HTR3E: variants seen among roughly 807,000 people sequenced by gnomAD.
The protein encoded by HTR3E is 5-hydroxytryptamine (serotonin) receptor 3, family member E.
HTR3E carries 38 observed loss-of-function variants against 38.0 expected under a neutral mutation model. The ratio of observed to expected loss-of-function variants is 1.00; its 90% CI spans 0.77 to 1.31. The LOEUF is 1.31. Among genes scored for constraint, HTR3E ranks in the 50% most tolerant of loss-of-function variants. HTR3E has a pLI of 0.00. For synonymous variants in HTR3E, 210 were observed against 232.9 expected, an observed-to-expected ratio of 0.90 and a Z score of 0.89; for missense variants, 547 against 585.2, an observed-to-expected ratio of 0.93 and a Z score of 0.67.
intron 1 of HTR3E, among the ~76,000 whole-genome samples, chr3:184,099,643 A>G (rs34456845): frequency 0.49 from 69,770 of 143,328 alleles, 17,254 homozygotes; most frequent in East Asian, 0.72. Context: ...GAACCCGGGA[A>G]GCGGAGCTTG....
At position 184,106,014 on chromosome 3, in the gene HTR3E, T is replaced by A. The variant is rs201710844; in HGVS notation, c.925+45T>A. On this transcript the variant is annotated intron_variant, in intron 7 of 8. Coordinates refer to ENST00000415389, the MANE Select transcript of HTR3E (RefSeq NM_001256613.2). The surrounding 1 kb of genome is among the most constrained non-coding windows in gnomAD (Gnocchi z 4.1). ...TTGGAAGAGAAGGGTGGGAACTAAC[T>A]CAGGAAGGGAGGTATTTTGGAAAAA... 1.8e-3 allele frequency: 2,863 copies of A among 1,611,636 alleles called. 8 individuals are homozygous for A. The highest frequency in any genetic ancestry group is 1.9e-3 in the Non-Finnish European group (2,245 of 1,177,962).
intron 1 of HTR3E, 83 bp from the exon 2 acceptor site, chr3:184,100,402 C>G (rs532682786): frequency 7.4e-6 from 12 of 1,613,782 alleles, no homozygotes; most frequent in Non-Finnish European, 9.3e-6. Flanking sequence ...CACGGGCGAC[C>G]CCACGCCCTG....
chr3:184,099,485 C>T (rs1711852075), intron 1 of HTR3E, among the ~76,000 whole-genome samples: 1 of 151,818 alleles, frequency 6.6e-6, no homozygotes. Flanking sequence ...GAGGCCGAGG[C>T]GGGTGGATCA....
At chr3:184,102,841 C>T (rs1031578746) in intron 3 of HTR3E, among the ~76,000 whole-genome samples, 1 of 151,794 alleles carries the variant, frequency 6.6e-6, no homozygotes, top group Non-Finnish European at 1.5e-5. Context: ...ACAAGAATCG[C>T]TTGAGCCAGG....
At chr3:184,103,453 C>A (rs916918354) in intron 3 of HTR3E, among the ~76,000 whole-genome samples, 3 of 152,010 alleles carry the variant, frequency 2.0e-5, no homozygotes, top group Admixed American at 2.0e-4. Context: ...CACGGTGAAA[C>A]CCCGTCTCTA....
chr3:184,102,647 G>T (rs1712124174), intron 3 of HTR3E, among the ~76,000 whole-genome samples: 1 of 149,326 alleles, frequency 6.7e-6, no homozygotes, highest in African/African-American at 2.5e-5. Context: ...AAAAAAAGCT[G>T]GGCACAGTGG....
In HTR3E at chr3:184,106,933, A is replaced by C. The variant is rs1712503617; in HGVS notation, c.*240A>C. 9.1e-6 allele frequency: 5 copies of C among 547,308 alleles called. No homozygotes were observed. Among genetic ancestry groups the C allele is most frequent in the East Asian group, 3.0e-5 (1 of 33,138 alleles). 33.9% of individuals were successfully genotyped at this position (547,308 alleles called of 1,614,324 possible). On this transcript the variant is annotated 3_prime_UTR_variant, in exon 9 of 9. Transcript: ENST00000415389. The surrounding 1 kb of genome is among the most constrained non-coding windows in gnomAD (Gnocchi z 4.1). ...TATGGTTCTAGGTCCCTCTTACGTCATCTGCATAGCAGACTATACCTCTTC... is the reference window on the plus strand; with the variant it reads ...TATGGTTCTAGGTCCCTCTTACGTCCTCTGCATAGCAGACTATACCTCTTC...
At chr3:184,102,976 T>G (rs530670316) in intron 3 of HTR3E, among the ~76,000 whole-genome samples, 1 of 151,214 alleles carries the variant, frequency 6.6e-6, no homozygotes, top group Non-Finnish European at 1.5e-5. Context: ...AAAATTAAAC[T>G]TCTAAATATT....
chr3:184,101,280 G>A (rs867431142), intron 2 of HTR3E, among the ~76,000 whole-genome samples: 1 of 152,162 alleles, frequency 6.6e-6, no homozygotes, highest in African/African-American at 2.4e-5. Flanking sequence ...CATATACAGC[G>A]AGGGTTGAGA....
intron 3 of HTR3E, 70 bp from the exon 4 acceptor site, chr3:184,104,112 T>C: frequency 8.9e-7 from 1 of 1,119,712 alleles, no homozygotes; most frequent in Non-Finnish European, 1.2e-6. Context: ...CTTGAAGTAT[T>C]TCATAACTTT....
Position 184,106,135 on chromosome 3 carries a change from C to G in HTR3E, c.933C>G (p.Tyr311Ter), listed in dbSNP as rs776951612. 6.2e-7 allele frequency: 1 copy of G among 1,613,302 alleles called. No individual in the cohort carries two copies. Among genetic ancestry groups the G allele is most frequent in the African/African-American group, 1.3e-5 (1 of 74,868 alleles). ...PTSGTPLIGV[Y>*]FALCLSLMVG... ...GGCCCCCCTTCCCTCCAGGTGTCTA[C>G]TTCGCCCTGTGCCTGTCCCTGATGG... Residue 311 changes from tyrosine to a stop codon, truncating the protein, a stop_gained, in exon 8 of 9, where the codon TAC (tyrosine) becomes TAG (stop). Coordinates refer to ENST00000415389, the MANE Select transcript of HTR3E (RefSeq NM_001256613.2). LOFTEE classifies it high-confidence loss of function. This position sits in a 1 kb window ranked among gnomAD's most constrained non-coding sequence, Gnocchi z 4.1.
chr3:184,098,939 A>T (rs1711810125), intron 1 of HTR3E, among the ~76,000 whole-genome samples: 1 of 152,118 alleles, frequency 6.6e-6, no homozygotes, highest in African/African-American at 2.4e-5. Context: ...GTTACTTGGG[A>T]GGCTGAGGCA....
chr3:184,101,549 C>G lies in HTR3E; in HGVS notation c.279+20C>G, dbSNP rs111602207. On this transcript the variant is annotated intron_variant, in intron 3 of 8. Coordinates refer to ENST00000415389, the MANE Select transcript of HTR3E (RefSeq NM_001256613.2). ...GAAATGGTATGGACAACACTTTATT[C>G]TCTCCCTACAGTTACAGTCAAAAAG... 4.4e-6 allele frequency: 7 copies of G among 1,582,184 alleles called. No homozygotes were observed. Among genetic ancestry groups the G allele is most frequent in the African/African-American group, 1.3e-5 (1 of 74,416 alleles).
In HTR3E at chr3:184,100,566, A is replaced by T; in HGVS notation, c.149A>T (p.Asn50Ile). 6.2e-7 allele frequency: 1 copy of T among 1,614,092 alleles called. No individual in the cohort carries two copies. The highest frequency in any genetic ancestry group is 1.1e-5 in the South Asian group (1 of 91,078). ...ADPTALNSVF[N>I]RKPFRPVTNI... ...CCCACTGCTCTGAATTCAGTGTTTA[A>T]TAGAAAGCCCTTCCGTCCGGTCACC... The change falls in exon 2 of 9, where the codon AAT becomes ATT. Residue 50 changes from asparagine to isoleucine, a missense_variant. Coordinates refer to ENST00000415389, the MANE Select transcript of HTR3E (RefSeq NM_001256613.2).
chr3:184,105,304 G>A lies in HTR3E; in HGVS notation c.597G>A (p.Trp199Ter). ...TGCTGGACATGGAGAAAGAAGTGTG[G>A]GAAATAACAGACGCATCCCGGAACA... The part of the protein sequence containing the change: ...SMLLDMEKEV[W>*]EITDASRNIL... Residue 199 changes from tryptophan (W) to a stop codon, truncating the protein, a stop_gained, in exon 6 of 9, where the codon TGG (tryptophan) becomes TGA (stop). Coordinates refer to ENST00000415389, the MANE Select transcript of HTR3E (RefSeq NM_001256613.2). LOFTEE classifies it high-confidence loss of function. 1.2e-6 allele frequency: 2 copies of A among 1,613,956 alleles called. No individual in the cohort carries two copies. Among genetic ancestry groups the A allele is most frequent in the Non-Finnish European group, 1.7e-6 (2 of 1,179,970 alleles).
chr3:184,106,510 G>A lies in HTR3E; in HGVS notation c.1188G>A (p.Ala396=), dbSNP rs150435503. 75 of 1,611,848 alleles carry A rather than the reference G, an allele frequency of 4.7e-5. No homozygotes were observed. The Admixed American group carries it at 4.7e-4, about 10-fold the overall frequency. Reference sequence around the variant, plus strand: ...CAGCAGGGCAGATGCCGGGCCCTGCGGAGGCAGAGCTGACAGGGGGCTCAG... The same window carrying A: ...CAGCAGGGCAGATGCCGGGCCCTGCAGAGGCAGAGCTGACAGGGGGCTCAG... ...EVSAGQMPGP[A]EAELTGGSEW... Residue 396 remains alanine, a synonymous_variant, in exon 9 of 9, where the codon GCG becomes GCA. Transcript: ENST00000415389. This position sits in a 1 kb window ranked among gnomAD's most constrained non-coding sequence, Gnocchi z 4.1.
rs1182898168 is a variant in HTR3E, at chr3:184,097,616, G to T, written c.67+20G>T. On this transcript the variant is annotated intron_variant, in intron 1 of 8. Transcript: ENST00000415389. ...TTCAAGGTAAGAAAGGAGCAATGATGGGGGAAGGCGGAAGAAGGAGGACCT... is the reference window on the plus strand; with the variant it reads ...TTCAAGGTAAGAAAGGAGCAATGATTGGGGAAGGCGGAAGAAGGAGGACCT... 6.6e-6 allele frequency: 10 copies of T among 1,523,102 alleles called. No individual in the cohort carries two copies. The East Asian group carries it at 2.2e-4, about 34-fold the overall frequency. 94.3% of individuals were successfully genotyped at this position (1,523,102 alleles called of 1,614,324 possible).
Position 184,100,560 on chromosome 3 carries a change from T to C in HTR3E, c.143T>C (p.Val48Ala), listed in dbSNP as rs148670623. ...GCGGATCCCACTGCTCTGAATTCAGTGTTTAATAGAAAGCCCTTCCGTCCG... is the reference window on the plus strand; with the variant it reads ...GCGGATCCCACTGCTCTGAATTCAGCGTTTAATAGAAAGCCCTTCCGTCCG... ...HGADPTALNS[V>A]FNRKPFRPVT... The change falls in exon 2 of 9, where the codon GTG becomes GCG. Residue 48 changes from valine to alanine, a missense_variant. Val to Ala is a moderately conservative substitution (Grantham distance 64). Transcript: ENST00000415389. 5 of 1,613,984 alleles carry C rather than the reference T, an allele frequency of 3.1e-6. No individual in the cohort carries two copies. In the African/African-American group the frequency reaches 6.7e-5, roughly 22 times the overall value.
intron 1 of HTR3E, among the ~76,000 whole-genome samples, chr3:184,098,681 T>C (rs1431151235): frequency 2.0e-5 from 3 of 152,226 alleles, no homozygotes; most frequent in African/African-American, 7.2e-5. Context: ...CAACCATCTC[T>C]CTCAGTCCAA....
Sources: gnomAD v4.1 joint callset for allele counts (sites outside exome capture counted in the v4.1 genomes callset) on GRCh38, gnomAD v4.1.1 for gene constraint, Gnocchi (gnomAD v3.1) non-coding constraint, MANE v1.5 for transcripts, NCBI Gene and HGNC (gene_info 2026-07-23, HGNC 2026-07-21) for gene names.